The following RCC1L variants were observed in gnomAD, a reference collection of about 807,000 sequenced individuals.
RCC1L encodes the protein RCC1-like G exchanging factor-like protein.
A neutral mutation model predicts 58.6 loss-of-function variants in RCC1L; 46 were observed. The observed-to-expected ratio is 0.79, with a 90% CI of 0.62 to 1.00. The LOEUF is 1.00. RCC1L is among the 50% of genes least tolerant of loss of function. The pLI, the probability that RCC1L is intolerant of heterozygous loss-of-function variation, is 0.00. For synonymous variants in RCC1L, 281 were observed against 262.9 expected (o/e 1.07, Z -0.67); for missense variants, 636 against 623.6 (o/e 1.02, Z -0.21).
intron 4 of RCC1L, among the ~76,000 whole-genome samples, chr7:75,064,294 C>T (rs1165145646): frequency 6.7e-6 from 1 of 150,036 alleles, no homozygotes; most frequent in Non-Finnish European, 1.5e-5. Context: ...TGCGCCTCTG[C>T]ACTCTGGCCT....
At chr7:75,043,310 G>T (rs1320033189) in intron 10 of RCC1L, among the ~76,000 whole-genome samples, 1 of 152,224 alleles carries the variant, frequency 6.6e-6, no homozygotes, top group Non-Finnish European at 1.5e-5. Context: ...GGGCACTTAG[G>T]CCTCCCCAGC....
At chr7:75,065,194 A>T (rs936999088) in intron 3 of RCC1L, among the ~76,000 whole-genome samples, 1 of 152,038 alleles carries the variant, frequency 6.6e-6, no homozygotes, top group Admixed American at 6.6e-5. Context: ...TTAATTAAAA[A>T]AAAAAAAAAA....
Position 75,042,194 on chromosome 7 carries a change from A to C in RCC1L, c.*838T>G, listed in dbSNP as rs890503288. The C allele has an allele frequency of 1.4e-4, 142 of 985,482 alleles. No individual in the cohort carries two copies. The Middle Eastern group carries it at 2.1e-3, about 15-fold the overall frequency. The allele number at this position is 985,482 out of a possible 1,614,324, so 61.0% of individuals were successfully genotyped here. Reference sequence around the variant, plus strand: ...GATCTCTTCAGAGCTTAAAAACCAAAAGGCAGAAAATAGACTTTATTCCAA... The same window carrying C: ...GATCTCTTCAGAGCTTAAAAACCAACAGGCAGAAAATAGACTTTATTCCAA... On this transcript the variant is annotated 3_prime_UTR_variant, in exon 11 of 11. Transcript: ENST00000610322.
chr7:75,058,253 T>C (rs1806144953), intron 7 of RCC1L: 1 of 334,204 alleles, frequency 3.0e-6, no homozygotes, highest in Non-Finnish European at 5.7e-6. Flanking sequence ...CTCTTTTTTT[T>C]CGAGACAGAG....
At chr7:75,056,424 C>T in intron 8 of RCC1L, 3 of 1,185,566 alleles carry the variant, frequency 2.5e-6, no homozygotes, top group Non-Finnish European at 3.4e-6. Flanking sequence ...GTTTTCTCCC[C>T]CTAATGACAG....
chr7:75,027,623 C>T, exon 11 of RCC1L: 1 of 211,076 alleles, frequency 4.7e-6, no homozygotes, highest in Non-Finnish European at 9.6e-6. Flanking sequence ...TCGGGGCGCG[C>T]TGGGGCCAGG....
At chr7:75,068,586 C>T (rs1282205282) in intron 2 of RCC1L, among the ~76,000 whole-genome samples, 8 of 149,716 alleles carry the variant, frequency 5.3e-5, no homozygotes, top group East Asian at 2.1e-4. Flanking sequence ...CTCAGGAGGC[C>T]GAGGCAACAG....
chr7:75,051,353 C>CATATATATATAT (rs1166805483), intron 10 of RCC1L, among the ~76,000 whole-genome samples: 2 of 146,978 alleles, frequency 1.4e-5, no homozygotes, highest in Admixed American at 6.8e-5. Flanking sequence ...TATACACACA[C>CATATATATATAT]ACATATATAT....
intron 2 of RCC1L, among the ~76,000 whole-genome samples, chr7:75,068,215 A>G (rs1370149003): frequency 9.2e-5 from 14 of 151,668 alleles, no homozygotes; most frequent in African/African-American, 3.4e-4. Context: ...AGCTACCTGG[A>G]AAGCTGAGGC....
exon 11 of RCC1L, chr7:75,027,802 G>T: frequency 1.7e-6 from 1 of 598,728 alleles, no homozygotes; most frequent in Non-Finnish European, 3.0e-6. Context: ...CGTTCTGTGT[G>T]TAGCGTAGTC....
intron 9 of RCC1L, among the ~76,000 whole-genome samples, chr7:75,054,164 A>G (rs1192681867): frequency 6.6e-6 from 1 of 152,164 alleles, no homozygotes; most frequent in Non-Finnish European, 1.5e-5. Context: ...TTGGCCTCCC[A>G]AAGTGCTGGG....
chr7:75,073,376 G>A (rs947927424), intron 1 of RCC1L, 38 bp downstream of exon 1: 15 of 929,842 alleles, frequency 1.6e-5, no homozygotes, highest in Non-Finnish European at 2.1e-5. Context: ...GAGCGCGGAA[G>A]AGAGAGAAGG....
At chr7:75,035,273 C>T (rs925715659) in intron 10 of RCC1L, among the ~76,000 whole-genome samples, 2 of 152,148 alleles carry the variant, frequency 1.3e-5, no homozygotes, top group South Asian at 2.1e-4. Context: ...TCAAGTGATC[C>T]GCCCGCCTCG....
At position 75,058,787 on chromosome 7, in the gene RCC1L, A is replaced by G. The variant is rs1164476498; in HGVS notation, c.788-18T>C. On this transcript the variant is annotated intron_variant, in intron 6 of 10. Transcript: ENST00000610322. ...ACCCAGACCTAACACAGTGGAAAAT[A>G]CAGATTTTTAATTATTCGCTCTTTT... 1.9e-6 allele frequency: 3 copies of G among 1,613,778 alleles called. No individual in the cohort carries two copies. In the African/African-American group the frequency reaches 4.0e-5, roughly 22 times the overall value.
At chr7:75,069,084 G>C (rs1462955353) in intron 2 of RCC1L, among the ~76,000 whole-genome samples, 1 of 152,000 alleles carries the variant, frequency 6.6e-6, no homozygotes, top group Non-Finnish European at 1.5e-5. Context: ...GGTCAGGCTG[G>C]TCTCAAACTT....
At position 75,066,676 on chromosome 7, in the gene RCC1L, C is replaced by G; in HGVS notation, c.571G>C (p.Asp191His). The change falls in exon 3 of 11, where the codon GAC (aspartate) becomes CAC (histidine). Residue 191 changes from aspartate (D) to histidine (H), a missense_variant. By Grantham distance (81) the Asp-to-His change is moderately conservative (BLOSUM62 -1). Transcript: ENST00000610322. ...CGRAHSLVLT[D>H]REGVFSMGNN... ...TAGGTCAACTCACCTCCTTCCCTGT[C>G]AGTCAACACAAGAGAGTGAGCTCGG... 6.2e-7 allele frequency: 1 copy of G among 1,612,654 alleles called. No individual in the cohort carries two copies. Among genetic ancestry groups the G allele is most frequent in the Non-Finnish European group, 8.5e-7 (1 of 1,179,294 alleles).
At chr7:75,029,647 G>A (rs1248467552) in intron 10 of RCC1L, among the ~76,000 whole-genome samples, 1 of 152,080 alleles carries the variant, frequency 6.6e-6, no homozygotes, top group African/African-American at 2.4e-5. Context: ...CCTGGCCAAT[G>A]GGATTTTTGA....
In RCC1L at chr7:75,042,941, C is replaced by T; in HGVS notation, c.*91G>A. On this transcript the variant is annotated 3_prime_UTR_variant, in exon 11 of 11. Coordinates refer to ENST00000610322, the MANE Select transcript of RCC1L (RefSeq NM_030798.5). Reference sequence around the variant, plus strand: ...CGCAGGGTCCTCCGCCACCACCATCCAAGAACCCCGGGGGGCTGGCCACGC... The same window carrying T: ...CGCAGGGTCCTCCGCCACCACCATCTAAGAACCCCGGGGGGCTGGCCACGC... 1.2e-6 allele frequency: 2 copies of T among 1,600,450 alleles called. No homozygotes were observed. Among genetic ancestry groups the T allele is most frequent in the South Asian group, 2.2e-5 (2 of 89,688 alleles).
chr7:75,028,873 C>T (rs939357969), intron 10 of RCC1L, among the ~76,000 whole-genome samples: 3 of 152,186 alleles, frequency 2.0e-5, no homozygotes, highest in South Asian at 4.1e-4. Flanking sequence ...GATTCAGAGG[C>T]GGGGACCCAA....
Sources: allele counts gnomAD v4.1 joint callset (sites outside exome capture counted in the v4.1 genomes callset), GRCh38; gene constraint gnomAD v4.1.1; transcripts MANE v1.5; gene names NCBI Gene and HGNC (gene_info 2026-07-23, HGNC 2026-07-21).